Variants in CABP1 observed in about 807,000 individuals in gnomAD.
CABP1 encodes calcium-binding protein 1.
In CABP1, 17 loss-of-function variants were observed where a neutral mutation model predicts 34.3. The ratio of observed to expected loss-of-function variants is 0.50; its 90% confidence interval spans 0.34 to 0.74. The LOEUF is 0.74. Among genes scored for constraint, CABP1 ranks in the 30% least tolerant of loss-of-function variants. The pLI, the probability that CABP1 is intolerant of heterozygous loss-of-function variation, is 0.01. For missense variants in CABP1, 373 were observed against 511.1 expected, an observed-to-expected ratio of 0.73 and a Z score of 2.61; for synonymous variants, 198 against 229.2, an observed-to-expected ratio of 0.86 and a Z score of 1.23.
chr12:120,647,594 G>A (rs1261172157), intron 1 of CABP1, among the ~76,000 whole-genome samples: 1 of 113,926 alleles, frequency 8.8e-6, no homozygotes, highest in Non-Finnish European at 1.7e-5. Flanking sequence ...TTGAGATGAA[G>A]TCTCACTCTG....
At chr12:120,663,604 AG>A (rs1880791002) in intron 5 of CABP1, among the ~76,000 whole-genome samples, 1 of 152,248 alleles carries the variant, frequency 6.6e-6, no homozygotes, top group Non-Finnish European at 1.5e-5. Context: ...AAGAATCAAT[AG>A]TAATCATAAT....
chr12:120,642,097 A>G (rs1265769598), intron 1 of CABP1, among the ~76,000 whole-genome samples: 3 of 152,122 alleles, frequency 2.0e-5, no homozygotes, highest in Non-Finnish European at 2.9e-5. Context: ...ATAGGTCTAC[A>G]GTTTGAGGCT....
At chr12:120,671,743 T>A (rs1881256709), downstream of CABP1, among the ~76,000 whole-genome samples, 1 of 152,108 alleles carries the variant, frequency 6.6e-6, no homozygotes, top group African/African-American at 2.4e-5. Flanking sequence ...CCCATAGCAG[T>A]GTGGTTAAAA....
intron 1 of CABP1, among the ~76,000 whole-genome samples, chr12:120,642,641 T>C (rs1879387647): frequency 6.6e-6 from 1 of 152,056 alleles, no homozygotes; most frequent in Admixed American, 6.5e-5. Context: ...AGTGAGGCGA[T>C]GTGTCAGGGG....
the CABP1 span, among the ~76,000 whole-genome samples, chr12:120,675,786 A>G: frequency 2.6e-3 from 399 of 152,264 alleles, 3 homozygotes; most frequent in African/African-American, 9.0e-3. Flanking sequence ...GCAATGATTT[A>G]TTGTATCAGG....
Position 120,660,983 on chromosome 12 carries a change from T to A in CABP1, c.940-88T>A. 1 of 1,496,382 alleles carries A rather than the reference T, an allele frequency of 6.7e-7. No individual in the cohort carries two copies. Among genetic ancestry groups the A allele is most frequent in the Non-Finnish European group, 9.2e-7 (1 of 1,091,074 alleles). The allele number at this position is 1,496,382 out of a possible 1,614,324, so 92.7% of individuals were successfully genotyped here. On this transcript the variant is annotated intron_variant, in intron 4 of 5. Transcript: ENST00000316803. The surrounding 1 kb of genome is among the most constrained non-coding windows in gnomAD (Gnocchi z 5.0). The stretch of plus-strand genomic sequence containing the variant: ...AAAGGTCTCTGGTAAAGGGGGGCAA[T>A]GACACTGGAGAAGGAGCTCAACTTT...
chr12:120,671,509 G>A (rs946507967), downstream of CABP1, among the ~76,000 whole-genome samples: 2 of 152,256 alleles, frequency 1.3e-5, no homozygotes, highest in African/African-American at 4.8e-5. Context: ...GGGCTGGAGA[G>A]AGGAGCAGAG....
the CABP1 span, among the ~76,000 whole-genome samples, chr12:120,672,724 AAAAC>A: frequency 6.6e-6 from 1 of 151,602 alleles, no homozygotes; most frequent in African/African-American, 2.4e-5. Context: ...AAAAAAAAAA[AAAAC>A]CACAAAGAAA....
chr12:120,645,900 G>T (rs1879518615), intron 1 of CABP1, among the ~76,000 whole-genome samples: 1 of 152,144 alleles, frequency 6.6e-6, no homozygotes, highest in African/African-American at 2.4e-5. Context: ...TAAGTACATG[G>T]CAGGGCCAGG....
At chr12:120,680,680 C>T in the CABP1 span, among the ~76,000 whole-genome samples, 1 of 152,182 alleles carries the variant, frequency 6.6e-6, no homozygotes, top group Non-Finnish European at 1.5e-5. Context: ...TCCATGCCTT[C>T]TGCATGGTCT....
At chr12:120,669,923 T>C (rs1881192393), downstream of CABP1, among the ~76,000 whole-genome samples, 1 of 152,172 alleles carries the variant, frequency 6.6e-6, no homozygotes, top group African/African-American at 2.4e-5. Context: ...ATTTGTCTTT[T>C]TGTTGGTTTG....
chr12:120,678,128 G>A, the CABP1 span, among the ~76,000 whole-genome samples: 11 of 152,296 alleles, frequency 7.2e-5, no homozygotes, highest in African/African-American at 2.4e-4. Flanking sequence ...CCACCTCAGA[G>A]TTTCAGGGCT....
At chr12:120,663,531 C>T (rs926482773) in intron 5 of CABP1, among the ~76,000 whole-genome samples, 1 of 152,196 alleles carries the variant, frequency 6.6e-6, no homozygotes, top group Non-Finnish European at 1.5e-5. Context: ...CCGCCTTAGC[C>T]TCCCAAAGTG....
the CABP1 span, among the ~76,000 whole-genome samples, chr12:120,675,467 C>T: frequency 1.3e-5 from 2 of 152,318 alleles, no homozygotes; most frequent in African/African-American, 4.8e-5. Context: ...ACATGCTGTT[C>T]CCTCTGCCTG....
At chr12:120,656,201 G>T (rs202143699) in intron 1 of CABP1, 13 of 1,610,650 alleles carry the variant, frequency 8.1e-6, no homozygotes, top group Non-Finnish European at 1.1e-5. Context: ...CCAGAACTGC[G>T]CAGTCATGCA....
intron 1 of CABP1, chr12:120,650,658 T>C: frequency 6.2e-7 from 1 of 1,614,106 alleles, no homozygotes; most frequent in Middle Eastern, 1.7e-4. Flanking sequence ...GTGTCAAGTA[T>C]CCACTGAGAA....
intron 1 of CABP1, among the ~76,000 whole-genome samples, chr12:120,653,560 G>A (rs918006430): frequency 6.6e-6 from 1 of 152,140 alleles, no homozygotes; most frequent in Non-Finnish European, 1.5e-5. Flanking sequence ...TTTTGAGATG[G>A]AGTCTCGCTC....
the CABP1 span, among the ~76,000 whole-genome samples, chr12:120,674,690 C>T: frequency 6.6e-6 from 1 of 152,252 alleles, no homozygotes; most frequent in Non-Finnish European, 1.5e-5. Context: ...GGAGTTCAGA[C>T]CAGCCTGGCC....
intron 1 of CABP1, among the ~76,000 whole-genome samples, chr12:120,647,654 G>A (rs749300559): frequency 7.4e-6 from 1 of 134,616 alleles, no homozygotes; most frequent in African/African-American, 2.8e-5. Flanking sequence ...TGCAATCTCC[G>A]CCTCCCGGGT....
Sources: allele counts gnomAD v4.1 joint callset (sites outside exome capture counted in the v4.1 genomes callset), GRCh38; gene constraint gnomAD v4.1.1; non-coding constraint Gnocchi (gnomAD v3.1); transcripts MANE v1.5; gene names NCBI Gene and HGNC (gene_info 2026-07-23, HGNC 2026-07-21).